Variants in MRPL47 observed in about 807,000 individuals in gnomAD.
The protein encoded by MRPL47 is large ribosomal subunit protein uL29m.
Under a neutral mutation model 34.0 loss-of-function variants are expected in MRPL47, and 31 were observed. The observed-to-expected ratio is 0.91, with a 90% confidence interval of 0.68 to 1.23. MRPL47 has a LOEUF of 1.23. MRPL47 is among the 50% of genes most tolerant of loss of function. The pLI, the probability that MRPL47 is intolerant of heterozygous loss-of-function variation, is 0.00. For missense variants in MRPL47, 328 were observed against 285.8 expected, an observed-to-expected ratio of 1.15 and a Z score of -1.07; for synonymous variants, 106 against 101.6, an observed-to-expected ratio of 1.04 and a Z score of -0.26.
rs1371235687 is a variant in MRPL47 at position 179,593,753 on chromosome 3, T to C, written c.533+12A>G. 1 of 1,610,188 alleles carries C rather than the reference T, an allele frequency of 6.2e-7. No individual in the cohort carries two copies. The highest frequency in any genetic ancestry group is 8.5e-7 in the Non-Finnish European group (1 of 1,178,658). ...CTCTCATCTTAGAAGAGCCACAGTG[T>C]TAACTACATACCAGATGATTCTTCC... is the stretch of plus-strand genomic sequence containing the variant. On this transcript the variant is annotated intron_variant, in intron 5 of 6. Transcript: ENST00000476781.
At chr3:179,598,425 C>CAA (rs1322897114) in intron 4 of MRPL47, among the ~76,000 whole-genome samples, 2 of 125,964 alleles carry the variant, frequency 1.6e-5, no homozygotes, top group African/African-American at 3.2e-5. Flanking sequence ...CACACACACA[C>CAA]AAACAAAAAA....
At chr3:179,602,593 CGGGGCGG>C in intron 2 of MRPL47, 52 bp downstream of exon 2, 1 of 806,254 alleles carries the variant, frequency 1.2e-6, no homozygotes, top group South Asian at 1.8e-5. Context: ...GATGGTTGGG[CGGGGCGG>C]GGGGGGGGGT....
At chr3:179,592,798 T>C (rs2108379382) in intron 5 of MRPL47, 59 bp from the exon 6 acceptor site, 1 of 1,095,166 alleles carries the variant, frequency 9.1e-7, no homozygotes, top group Non-Finnish European at 1.4e-6. Context: ...ATTTTCACTT[T>C]CCTAATTTAC....
intron 2 of MRPL47, 47 bp downstream of exon 2, chr3:179,602,605 G>C (rs759433053): frequency 3.6e-5 from 31 of 861,474 alleles, no homozygotes; most frequent in Non-Finnish European, 4.8e-5. Context: ...GGGCGGGGGG[G>C]GGGGTTCCAT....
Position 179,588,832 on chromosome 3 carries a change from T to C in MRPL47, c.*40A>G. On this transcript the variant is annotated 3_prime_UTR_variant, in exon 7 of 7. Transcript: ENST00000476781. ...ATATTTACTCCTGTACACAGACTATTCAAGAAAAACAAAATGGTAAATTTA... is the reference window on the plus strand; with the variant it reads ...ATATTTACTCCTGTACACAGACTATCCAAGAAAAACAAAATGGTAAATTTA... The C allele has an allele frequency of 6.3e-7, 1 of 1,596,402 alleles. No individual in the cohort carries two copies. The highest frequency in any genetic ancestry group is 8.5e-7 in the Non-Finnish European group (1 of 1,170,580).
intron 2 of MRPL47, among the ~76,000 whole-genome samples, chr3:179,602,030 C>A (rs1231861144): frequency 1.3e-5 from 2 of 152,172 alleles, no homozygotes; most frequent in East Asian, 1.9e-4. Flanking sequence ...TATTTTCACA[C>A]CCTAATGACA....
At chr3:179,598,587 T>A (rs115325429) in intron 4 of MRPL47, 88 bp downstream of exon 4, 18 of 856,450 alleles carry the variant, frequency 2.1e-5, no homozygotes, top group Admixed American at 4.0e-5. Flanking sequence ...GAAAAAAAAA[T>A]CTATTTGACA....
Position 179,602,715 on chromosome 3 carries a change from T to C in MRPL47, c.181A>G (p.Arg61Gly), listed in dbSNP as rs1718955715. ...QYRLLHTTLS[R>G]KGLEEFFDDP... ...TCAAAAAATTCTTCTAGTCCTTTCC[T>C]TGACAATGTGGTATGAAGTAATCTA... Residue 61 changes from arginine (R) to glycine (G), a missense_variant, in exon 2 of 7, where the codon AGG becomes GGG. Physicochemically the swap from Arg to Gly is moderately radical, Grantham distance 125. Transcript: ENST00000476781. 1 of 1,612,848 alleles carries C rather than the reference T, an allele frequency of 6.2e-7. No homozygotes were observed. Among genetic ancestry groups the C allele is most frequent in the Non-Finnish European group, 8.5e-7 (1 of 1,179,510 alleles).
chr3:179,598,397 GACACACACACACACAC>G (rs11455585), intron 4 of MRPL47, among the ~76,000 whole-genome samples: 1 of 102,950 alleles, frequency 9.7e-6, no homozygotes. Context: ...CTGACACACT[GACACACACACACACAC>G]ACACACACAC....
In MRPL47 at chr3:179,602,784, A is replaced by C. The variant is rs1466970442; in HGVS notation, c.112T>G (p.Leu38Val). Reference sequence around the variant, plus strand: ...ACATTTGGTGTACTCTTAGGCAACAAACTAAGAAAAAACCTGCAATTGAAC... The same window carrying C: ...ACATTTGGTGTACTCTTAGGCAACACACTAAGAAAAAACCTGCAATTGAAC... The part of the protein sequence containing the change: ...VPACTGFFLS[L>V]LPKSTPNVTS... The change falls in exon 2 of 7, where the codon TTG becomes GTG. Residue 38 changes from leucine (L) to valine (V), a missense_variant. Leu to Val is a conservative substitution (Grantham distance 32). Coordinates refer to ENST00000476781, the MANE Select transcript of MRPL47 (RefSeq NM_020409.3). The C allele has an allele frequency of 1.2e-6, 2 of 1,603,076 alleles. No homozygotes were observed. The highest frequency in any genetic ancestry group is 1.7e-6 in the Non-Finnish European group (2 of 1,177,464).
At chr3:179,591,882 G>C (rs1200181198) in intron 6 of MRPL47, among the ~76,000 whole-genome samples, 2 of 151,988 alleles carry the variant, frequency 1.3e-5, no homozygotes, top group Non-Finnish European at 2.9e-5. Flanking sequence ...GCCCAGGCTG[G>C]AGTGCAGTGG....
intron 3 of MRPL47, among the ~76,000 whole-genome samples, chr3:179,600,035 G>A (rs1181278965): frequency 6.6e-6 from 1 of 151,796 alleles, no homozygotes; most frequent in African/African-American, 2.4e-5. Context: ...TGAGGCAGGA[G>A]AACCTGGAAT....
At chr3:179,589,407 C>A (rs888576708) in intron 6 of MRPL47, among the ~76,000 whole-genome samples, 5 of 152,172 alleles carry the variant, frequency 3.3e-5, no homozygotes. Flanking sequence ...AAAATAAATT[C>A]TTAGGCTCTG....
At chr3:179,589,137 C>CTTGAATAGTAATCA (rs1331975240) in intron 6 of MRPL47, 142 bp from the exon 7 acceptor site, 1 of 782,896 alleles carries the variant, frequency 1.3e-6, no homozygotes, top group African/African-American at 1.7e-5. Context: ...TATTATTAAA[C>CTTGAATAGTAATCA]TTGAATAGTA....
At chr3:179,596,546 T>C (rs1232164902) in intron 4 of MRPL47, among the ~76,000 whole-genome samples, 2 of 152,242 alleles carry the variant, frequency 1.3e-5, no homozygotes, top group Non-Finnish European at 2.9e-5. Flanking sequence ...TTAAAGCAGA[T>C]AATCCACGGT....
chr3:179,594,761 G>A (rs754557682), intron 4 of MRPL47, among the ~76,000 whole-genome samples: 14 of 152,152 alleles, frequency 9.2e-5, no homozygotes, highest in Non-Finnish European at 2.1e-4. Context: ...TGGGATTACA[G>A]GCATGAGCAA....
At chr3:179,590,739 C>T (rs751411734) in intron 6 of MRPL47, among the ~76,000 whole-genome samples, 1 of 149,386 alleles carries the variant, frequency 6.7e-6, no homozygotes, top group Non-Finnish European at 1.5e-5. Context: ...AGCCAGGAAG[C>T]AATACTTGAT....
intron 1 of MRPL47, among the ~76,000 whole-genome samples, chr3:179,603,114 G>A (rs1718968550): frequency 1.3e-5 from 2 of 152,068 alleles, no homozygotes; most frequent in Non-Finnish European, 2.9e-5. Context: ...TGTTAATACT[G>A]CATTATAGAA....
At chr3:179,598,397 GACAC>G (rs11455585) in intron 4 of MRPL47, among the ~76,000 whole-genome samples, 1,100 of 102,936 alleles carry the variant, frequency 0.011, 19 homozygotes, top group African/African-American at 0.039. Context: ...CTGACACACT[GACAC>G]ACACACACAC....
Sources: allele counts gnomAD v4.1 joint callset (sites outside exome capture counted in the v4.1 genomes callset), GRCh38; gene constraint gnomAD v4.1.1; transcripts MANE v1.5; gene names NCBI Gene and HGNC (gene_info 2026-07-23, HGNC 2026-07-21).